TEX22: variants seen among roughly 807,000 people sequenced by gnomAD.
The protein encoded by TEX22 is testis-expressed protein 22.
A neutral mutation model predicts 11.3 loss-of-function variants in TEX22; 16 were observed. The observed-to-expected ratio is 1.42, with a 90% CI of 0.96 to 2.15. TEX22 has a LOEUF of 2.15. TEX22 is among the 30% of genes most tolerant of loss of function. The pLI, the probability that TEX22 is intolerant of heterozygous loss-of-function variation, is 0.00. For synonymous variants in TEX22, 97 were observed against 92.3 expected (o/e 1.05, Z -0.29); for missense variants, 220 against 208.6 (o/e 1.05, Z -0.34).
At position 105,403,287 on chromosome 14, in the gene TEX22, C is replaced by T. The variant is rs587612526; in HGVS notation, c.150+3797C>T. Among the ~76,000 whole-genome samples the T allele has an allele frequency of 3.3e-5, 5 of 152,288 alleles. No homozygotes were observed. The East Asian group carries it at 9.7e-4, about 29-fold the overall frequency. On this transcript the variant is annotated intron_variant, in intron 2 of 3. Transcript: ENST00000451127. Reference sequence around the variant, plus strand: ...AGCATCACTATAATTATCTTGAAAGCATATATTATTGTGGGTGTTGGGACA... The same window carrying T: ...AGCATCACTATAATTATCTTGAAAGTATATATTATTGTGGGTGTTGGGACA...
chr14:105,404,908 T>C (rs1377454709), intron 2 of TEX22, among the ~76,000 whole-genome samples: 1 of 152,176 alleles, frequency 6.6e-6, no homozygotes, highest in African/African-American at 2.4e-5. Context: ...ATGTCACTCA[T>C]GCACAGAAAA....
Position 105,411,809 on chromosome 14 carries a change from G to C in TEX22, c.429G>C (p.Glu143Asp), listed in dbSNP as rs1379039567. 1.7e-5 allele frequency: 25 copies of C among 1,450,334 alleles called. No homozygotes were observed. The highest frequency in any genetic ancestry group is 2.3e-5 in the Non-Finnish European group (25 of 1,097,962). The allele number at this position is 1,450,334 out of a possible 1,614,324, so 89.8% of individuals were successfully genotyped here. ...SAPFWHNATF[E>D]ASRSPPS ...CTTTCTGGCATAATGCGACTTTCGA[G>C]GCCTCGAGGTCACCCCCTTCCTAAG... The change falls in exon 4 of 4, where the codon GAG becomes GAC. Residue 143 changes from glutamate to aspartate, a missense_variant. By Grantham distance (45) the Glu-to-Asp change is conservative. Coordinates refer to ENST00000451127, the MANE Select transcript of TEX22 (RefSeq NM_001195082.2).
chr14:105,402,212 A>G (rs868973333), intron 2 of TEX22, among the ~76,000 whole-genome samples: 5 of 152,260 alleles, frequency 3.3e-5, no homozygotes, highest in Non-Finnish European at 5.9e-5. Flanking sequence ...TATTCTGGAA[A>G]CCGAAGCCCT....
intron 2 of TEX22, among the ~76,000 whole-genome samples, chr14:105,404,074 C>T (rs912982763): frequency 1.6e-4 from 24 of 152,190 alleles, no homozygotes; most frequent in African/African-American, 5.5e-4. Context: ...TTGGGAGCTG[C>T]TTAGCTGGTG....
chr14:105,411,598 C>T, intron 3 of TEX22, 62 bp from the exon 4 acceptor site: 2 of 1,474,322 alleles, frequency 1.4e-6, no homozygotes, highest in Non-Finnish European at 1.8e-6. Flanking sequence ...CCCCGGCGCT[C>T]CCGGGCCCCG....
At chr14:105,402,625 G>C (rs985785967) in intron 2 of TEX22, among the ~76,000 whole-genome samples, 4 of 151,802 alleles carry the variant, frequency 2.6e-5, no homozygotes, top group Non-Finnish European at 5.9e-5. Context: ...GCGTGGTGGC[G>C]GGCGCCTGTA....
At chr14:105,407,570 G>A (rs587646154) in intron 2 of TEX22, among the ~76,000 whole-genome samples, 18 of 152,208 alleles carry the variant, frequency 1.2e-4, no homozygotes, top group African/African-American at 4.3e-4. Context: ...GTCTCCCTAT[G>A]TTGCCCAGGC....
intron 1 of TEX22, 109 bp from the exon 2 acceptor site, chr14:105,399,193 C>T (rs2081608080): frequency 3.0e-6 from 2 of 658,888 alleles, no homozygotes; most frequent in Non-Finnish European, 5.2e-6. Flanking sequence ...GGAAGGTGAC[C>T]CTAGCAGACC....
Position 105,399,362 on chromosome 14 carries a change from C to A in TEX22, c.22C>A (p.Pro8Thr). 1.3e-6 allele frequency: 2 copies of A among 1,535,768 alleles called. No homozygotes were observed. The highest frequency in any genetic ancestry group is 8.7e-7 in the Non-Finnish European group (1 of 1,146,792). MDSRKLSPRGKKLESHLS... is the reference protein window; with the variant it reads MDSRKLSTRGKKLESHLS... ...AGAGATGGACAGCAGGAAACTGTCC[C>A]CCCGGGGGAAGAAGCTGGAGTCGCA... The change falls in exon 2 of 4, where the codon CCC becomes ACC. Residue 8 changes from proline (P) to threonine (T), a missense_variant. By Grantham distance (38) the Pro-to-Thr change is conservative. Coordinates refer to ENST00000451127, the MANE Select transcript of TEX22 (RefSeq NM_001195082.2).
chr14:105,409,278 T>C (rs1171118939), intron 2 of TEX22, among the ~76,000 whole-genome samples: 1 of 152,116 alleles, frequency 6.6e-6, no homozygotes, highest in Non-Finnish European at 1.5e-5. Flanking sequence ...GGAGTACATC[T>C]AGCAGCTTCC....
At position 105,399,615 on chromosome 14, in the gene TEX22, T is replaced by C. The variant is rs2081613203; in HGVS notation, c.150+125T>C. 7 of 1,099,836 alleles carry C rather than the reference T, an allele frequency of 6.4e-6. No homozygotes were observed. The East Asian group carries it at 1.0e-4, about 16-fold the overall frequency. 68.1% of individuals were successfully genotyped at this position (1,099,836 alleles called of 1,614,324 possible). A position where few individuals can be genotyped will look rare whatever the true frequency, so the allele number is the denominator to read the frequency against. On this transcript the variant is annotated intron_variant, in intron 2 of 3. Transcript: ENST00000451127. ...CAGGGGAGGGCTGAGTGGGGACTGA[T>C]GAGAAACAGATGGCTGGACTCAGGA...
Position 105,412,903 on chromosome 14 carries a change from C to T in TEX22, c.*1070C>T, listed in dbSNP as rs2081703610. The T allele has an allele frequency of 6.5e-6, 1 of 152,762 alleles. No homozygotes were observed. Among genetic ancestry groups the T allele is most frequent in the African/African-American group, 2.4e-5 (1 of 41,404 alleles). 9.5% of individuals were successfully genotyped at this position (152,762 alleles called of 1,614,324 possible). A position where few individuals can be genotyped will look rare whatever the true frequency, so the allele number is the denominator to read the frequency against. Reference sequence around the variant, plus strand: ...ATGCTGGCTGTGCTGCCCACCTGGCCTGTAACCCTCCCCTTCCCGCTGCTG... The same window carrying T: ...ATGCTGGCTGTGCTGCCCACCTGGCTTGTAACCCTCCCCTTCCCGCTGCTG... On this transcript the variant is annotated 3_prime_UTR_variant, in exon 4 of 4. Coordinates refer to ENST00000451127, the MANE Select transcript of TEX22 (RefSeq NM_001195082.2). The surrounding 1 kb of genome is among the most constrained non-coding windows in gnomAD (Gnocchi z 5.8).
chr14:105,409,489 C>T (rs1428253553), intron 2 of TEX22, among the ~76,000 whole-genome samples: 5 of 148,494 alleles, frequency 3.4e-5, no homozygotes, highest in African/African-American at 1.0e-4. Context: ...ACTATTAAGA[C>T]TTCTTCTTCT....
At chr14:105,409,840 A>C (rs2081679702) in intron 2 of TEX22, among the ~76,000 whole-genome samples, 1 of 150,308 alleles carries the variant, frequency 6.7e-6, no homozygotes, top group Non-Finnish European at 1.5e-5. Flanking sequence ...GCAGTGGCAA[A>C]ATCACAGTTC....
rs1185043068 is a variant in TEX22 at position 105,411,535 on chromosome 14, C to T, written c.279+39C>T. 31 of 1,128,320 alleles carry T rather than the reference C, an allele frequency of 2.7e-5. 1 individual carries two copies. In the Admixed American group the frequency reaches 7.8e-4, roughly 28 times the overall value. 69.9% of individuals were successfully genotyped at this position (1,128,320 alleles called of 1,614,324 possible). A position where few individuals can be genotyped will look rare whatever the true frequency, so the allele number is the denominator to read the frequency against. ...GGGTCCTCCCCGCCCCGTCCCCGCC[C>T]CGCCCCGCCCCTCCGCCTCGCCTCC... On this transcript the variant is annotated intron_variant, in intron 3 of 3. Transcript: ENST00000451127.
At chr14:105,399,603 A>T (rs988452196) in intron 2 of TEX22, 113 bp downstream of exon 2, 3 of 1,211,766 alleles carry the variant, frequency 2.5e-6, no homozygotes, top group African/African-American at 3.1e-5. Flanking sequence ...GGGAGGGCTG[A>T]GTGGGGACTG....
chr14:105,406,343 A>G (rs1054698954), intron 2 of TEX22, among the ~76,000 whole-genome samples: 76 of 152,256 alleles, frequency 5.0e-4, no homozygotes, highest in African/African-American at 1.8e-3. Context: ...TAATATTTAT[A>G]ACATTCAAAT....
In TEX22 at chr14:105,411,508, G is replaced by C. The variant is rs2081691014; in HGVS notation, c.279+12G>C. On this transcript the variant is annotated intron_variant, in intron 3 of 3. Transcript: ENST00000451127. ...AGCTGCACTGCAGGGTGCGCGGGGG[G>C]CGGGTCCTCCCCGCCCCGTCCCCGC... 3 of 1,217,884 alleles carry C rather than the reference G, an allele frequency of 2.5e-6. No homozygotes were observed. The highest frequency in any genetic ancestry group is 7.2e-5 in the East Asian group (2 of 27,834). The allele number at this position is 1,217,884 out of a possible 1,614,324, so 75.4% of individuals were successfully genotyped here.
intron 2 of TEX22, among the ~76,000 whole-genome samples, chr14:105,404,657 A>G (rs1316632735): frequency 6.6e-6 from 1 of 152,228 alleles, no homozygotes; most frequent in Non-Finnish European, 1.5e-5. Context: ...GAGCAGTAGC[A>G]TGCCTGTGCT....
Sources: allele counts gnomAD v4.1 joint callset (sites outside exome capture counted in the v4.1 genomes callset), GRCh38; gene constraint gnomAD v4.1.1; non-coding constraint Gnocchi (gnomAD v3.1); transcripts MANE v1.5; gene names NCBI Gene and HGNC (gene_info 2026-07-23, HGNC 2026-07-21).